SPOCK1: variants seen among roughly 807,000 people sequenced by gnomAD.
SPOCK1 encodes testican-1.
SPOCK1 carries 23 observed loss-of-function variants against 55.3 expected under a neutral mutation model. The observed-to-expected ratio is 0.42, with a 90% CI of 0.30 to 0.59. The LOEUF is 0.59. Among genes scored for constraint, SPOCK1 ranks in the 20% least tolerant of loss-of-function variants. The probability of loss-of-function intolerance (pLI) is 0.22; values close to 1 mark genes in which losing one functional copy is unlikely to be tolerated. For missense variants in SPOCK1, 499 were observed against 552.5 expected (o/e 0.90, Z 0.97); for synonymous variants, 226 against 221.0 (o/e 1.02, Z -0.20).
At chr5:137,281,185 A>G (rs1261045533) in intron 2 of SPOCK1, among the ~76,000 whole-genome samples, 32 of 152,210 alleles carry the variant, frequency 2.1e-4, no homozygotes, top group Admixed American at 2.1e-3. Flanking sequence ...TGGGGTAGGT[A>G]TAAGGAAGAC....
At chr5:137,367,005 C>T (rs923693890) in intron 2 of SPOCK1, among the ~76,000 whole-genome samples, 5 of 152,222 alleles carry the variant, frequency 3.3e-5, no homozygotes, top group Non-Finnish European at 5.9e-5. Flanking sequence ...ACAGAGTGCA[C>T]TGTGACAACT....
chr5:137,419,714 G>T (rs750157856), intron 2 of SPOCK1, among the ~76,000 whole-genome samples: 1 of 152,068 alleles, frequency 6.6e-6, no homozygotes, highest in Non-Finnish European at 1.5e-5. Flanking sequence ...GAGACGATGG[G>T]GTTTTCTAGA....
intron 6 of SPOCK1, among the ~76,000 whole-genome samples, chr5:137,018,284 C>CT (rs1751490787): frequency 6.6e-6 from 1 of 152,210 alleles, no homozygotes; most frequent in Non-Finnish European, 1.5e-5. Flanking sequence ...GAAGATATGA[C>CT]TAAGTGGGGA....
intron 6 of SPOCK1, among the ~76,000 whole-genome samples, chr5:137,000,032 T>C (rs1050007765): frequency 2.6e-5 from 4 of 152,178 alleles, no homozygotes; most frequent in African/African-American, 9.7e-5. Context: ...ACCAATGCGA[T>C]CTCAGGGCTC....
chr5:136,989,821 T>A (rs1338157731), intron 7 of SPOCK1, among the ~76,000 whole-genome samples: 3 of 152,168 alleles, frequency 2.0e-5, no homozygotes, highest in African/African-American at 7.2e-5. Context: ...CAGTTGCCCA[T>A]CATTAAGCAT....
At chr5:137,386,046 G>C (rs1411486572) in intron 2 of SPOCK1, among the ~76,000 whole-genome samples, 3 of 152,114 alleles carry the variant, frequency 2.0e-5, no homozygotes, top group African/African-American at 7.2e-5. Context: ...CAGGATACAA[G>C]GTTAATATAC....
chr5:137,055,825 G>A (rs185253951), intron 6 of SPOCK1, among the ~76,000 whole-genome samples: 1 of 152,252 alleles, frequency 6.6e-6, no homozygotes, highest in Non-Finnish European at 1.5e-5. Context: ...TCTGATGATG[G>A]CATCTTCCCA....
intron 6 of SPOCK1, among the ~76,000 whole-genome samples, chr5:137,003,255 C>T (rs1580702493): frequency 6.6e-6 from 1 of 151,892 alleles, no homozygotes; most frequent in African/African-American, 2.4e-5. Flanking sequence ...AAAAATTAGC[C>T]GGGCATGGTG....
At chr5:137,015,909 T>C (rs1751440266) in intron 6 of SPOCK1, among the ~76,000 whole-genome samples, 1 of 152,158 alleles carries the variant, frequency 6.6e-6, no homozygotes, top group Non-Finnish European at 1.5e-5. Context: ...ATGAGCCCAG[T>C]GACAGATGGC....
intron 3 of SPOCK1, among the ~76,000 whole-genome samples, chr5:137,260,775 G>A (rs1280020636): frequency 1.3e-5 from 2 of 152,164 alleles, no homozygotes; most frequent in African/African-American, 2.4e-5. Flanking sequence ...TACTGAATTA[G>A]AATGTTTAAA....
At chr5:137,171,781 A>C (rs1336263325) in intron 3 of SPOCK1, among the ~76,000 whole-genome samples, 1 of 152,230 alleles carries the variant, frequency 6.6e-6, no homozygotes, top group Non-Finnish European at 1.5e-5. Flanking sequence ...CAATTCCTAC[A>C]AAGAGAAACT....
chr5:137,187,459 T>C (rs1458837621), intron 3 of SPOCK1, among the ~76,000 whole-genome samples: 2 of 152,164 alleles, frequency 1.3e-5, no homozygotes, highest in Non-Finnish European at 2.9e-5. Context: ...TACCCTCTAG[T>C]TACCACTCCA....
At chr5:137,489,442 T>C (rs1754128670) in intron 2 of SPOCK1, among the ~76,000 whole-genome samples, 1 of 152,196 alleles carries the variant, frequency 6.6e-6, no homozygotes, top group South Asian at 2.1e-4. Flanking sequence ...GTAGGAGCTC[T>C]AAAGCCCAGG....
At chr5:137,036,806 A>C (rs1008728732) in intron 6 of SPOCK1, among the ~76,000 whole-genome samples, 1 of 152,204 alleles carries the variant, frequency 6.6e-6, no homozygotes, top group South Asian at 2.1e-4. Flanking sequence ...AACCTGCTTC[A>C]TAAACACTTA....
intron 2 of SPOCK1, among the ~76,000 whole-genome samples, chr5:137,287,117 C>T (rs1457916632): frequency 6.6e-6 from 1 of 152,206 alleles, no homozygotes; most frequent in African/African-American, 2.4e-5. Flanking sequence ...AGCTCCCAGG[C>T]CACAGTTCTT....
At position 137,421,779 on chromosome 5, in the gene SPOCK1, A is replaced by C. The variant is rs1300132622; in HGVS notation, c.186+76594T>G. The stretch of plus-strand genomic sequence containing the variant: ...TTGCCAGTCTGTGTCTTTTCATTGG[A>C]GCATTTAGCCCATTTACATTTAAGG... On this transcript the variant is annotated intron_variant, in intron 2 of 10. Transcript: ENST00000394945. 2.6e-5 allele frequency among the ~76,000 whole-genome samples: 4 copies of C among 152,158 alleles called. No individual in the cohort carries two copies. The South Asian group carries it at 6.2e-4, about 24-fold the overall frequency.
intron 3 of SPOCK1, among the ~76,000 whole-genome samples, chr5:137,173,273 C>T (rs1221150848): frequency 6.6e-6 from 1 of 152,060 alleles, no homozygotes; most frequent in Non-Finnish European, 1.5e-5. Flanking sequence ...AAGAAGGTAG[C>T]CCTTAGAGTT....
At chr5:137,145,382 C>T (rs1012268733) in intron 3 of SPOCK1, among the ~76,000 whole-genome samples, 2 of 152,064 alleles carry the variant, frequency 1.3e-5, no homozygotes, top group African/African-American at 4.8e-5. Context: ...TTTTAATTAG[C>T]TACATTGATT....
At chr5:137,106,881 C>A (rs1034346222) in intron 5 of SPOCK1, among the ~76,000 whole-genome samples, 1 of 152,166 alleles carries the variant, frequency 6.6e-6, no homozygotes, top group African/African-American at 2.4e-5. Flanking sequence ...CTTTCCCTAC[C>A]TCACATGTGA....
Sources: gnomAD v4.1 joint callset for allele counts (sites outside exome capture counted in the v4.1 genomes callset) on GRCh38, gnomAD v4.1.1 for gene constraint, MANE v1.5 for transcripts, NCBI Gene and HGNC (gene_info 2026-07-23, HGNC 2026-07-21) for gene names.